The following SLIT3 variants were observed in gnomAD, a reference collection of about 807,000 sequenced individuals.
SLIT3 encodes the protein slit homolog 3 protein.
A neutral mutation model predicts 184.0 loss-of-function variants in SLIT3; 68 were observed. The observed-to-expected ratio is 0.37, with a 90% CI of 0.30 to 0.45. SLIT3 has a LOEUF of 0.45. SLIT3 is among the 20% of genes least tolerant of loss of function. The probability of loss-of-function intolerance (pLI) is 1.00; values close to 1 mark genes in which losing one functional copy is unlikely to be tolerated. For synonymous variants in SLIT3, 831 were observed against 828.6 expected (o/e 1.00, Z -0.05); for missense variants, 1,707 against 2,026.0 (o/e 0.84, Z 3.02).
At chr5:168,952,571 TAAAA>T (rs70979115) in intron 4 of SLIT3, among the ~76,000 whole-genome samples, 3 of 51,748 alleles carry the variant, frequency 5.8e-5, no homozygotes, top group Non-Finnish European at 1.2e-4. Flanking sequence ...CAAAGGGATT[TAAAA>T]AAAAAAAAAA....
At chr5:168,752,832 G>A (rs1462256664) in intron 18 of SLIT3, 123 bp downstream of exon 18, 1 of 966,930 alleles carries the variant, frequency 1.0e-6, no homozygotes, top group African/African-American at 1.6e-5. Context: ...CAGAAAGCCT[G>A]ACGAGTTTTT....
At position 169,299,246 on chromosome 5, in the gene SLIT3, A is replaced by C. The variant is rs554906077; in HGVS notation, c.197+1267T>G. Among the ~76,000 whole-genome samples, 7 of 152,348 alleles carry C rather than the reference A, an allele frequency of 4.6e-5. No homozygotes were observed. In the South Asian group the frequency reaches 1.4e-3, roughly 32 times the overall value. On this transcript the variant is annotated intron_variant, in intron 1 of 35. Transcript: ENST00000519560. ...AACAAAAAAGTACTGAGCCAAAGGA[A>C]AAAGAGAGCACCAGGAATAAGGAAG... is the stretch of plus-strand genomic sequence containing the variant.
At chr5:169,198,216 C>A (rs149362221) in intron 3 of SLIT3, among the ~76,000 whole-genome samples, 1 of 152,334 alleles carries the variant, frequency 6.6e-6, no homozygotes, top group African/African-American at 2.4e-5. Flanking sequence ...GAAGACAGAC[C>A]TGAAAACAAA....
chr5:168,796,367 C>T (rs563601173), intron 9 of SLIT3, among the ~76,000 whole-genome samples: 3 of 152,350 alleles, frequency 2.0e-5, no homozygotes, highest in African/African-American at 7.2e-5. Context: ...TCTTTCATCT[C>T]TCAAATGACT....
At chr5:168,903,582 G>T (rs967696476) in intron 4 of SLIT3, among the ~76,000 whole-genome samples, 3 of 152,148 alleles carry the variant, frequency 2.0e-5, no homozygotes, top group Admixed American at 1.3e-4. Flanking sequence ...GGACACCTGT[G>T]GGGGCATGGA....
At chr5:168,698,838 G>T (rs1762134124) in intron 27 of SLIT3, among the ~76,000 whole-genome samples, 1 of 151,994 alleles carries the variant, frequency 6.6e-6, no homozygotes, top group African/African-American at 2.4e-5. Flanking sequence ...TGTAGATCTG[G>T]GCCCTTTTCC....
intron 9 of SLIT3, among the ~76,000 whole-genome samples, chr5:168,797,408 G>A (rs74910545): frequency 2.6e-5 from 4 of 152,240 alleles, no homozygotes; most frequent in African/African-American, 4.8e-5. Context: ...GCCACTGTCT[G>A]TAACAACGGC....
intron 12 of SLIT3, among the ~76,000 whole-genome samples, chr5:168,781,687 G>A (rs1755976859): frequency 1.3e-5 from 2 of 152,116 alleles, no homozygotes; most frequent in Admixed American, 1.3e-4. Context: ...AAAAGGAGTT[G>A]ATCTGCAGTT....
chr5:168,988,359 T>C (rs532190030), intron 4 of SLIT3, among the ~76,000 whole-genome samples: 18 of 152,282 alleles, frequency 1.2e-4, no homozygotes, highest in African/African-American at 4.1e-4. Flanking sequence ...TACAATTCCA[T>C]AATTTTATAT....
intron 5 of SLIT3, among the ~76,000 whole-genome samples, chr5:168,859,252 T>C (rs1280665725): frequency 6.6e-6 from 1 of 152,168 alleles, no homozygotes; most frequent in Admixed American, 6.5e-5. Context: ...ATTGTCTCTG[T>C]ACAAAAGGTT....
intron 3 of SLIT3, among the ~76,000 whole-genome samples, chr5:169,227,907 AGAT>A (rs1291764867): frequency 5.3e-5 from 8 of 152,322 alleles, no homozygotes; most frequent in Admixed American, 2.6e-4. Flanking sequence ...CTCATCTTCA[AGAT>A]GATGTCTAAA....
intron 3 of SLIT3, 32 bp from the exon 4 acceptor site, chr5:169,193,582 G>A (rs562196717): frequency 7.7e-6 from 12 of 1,549,106 alleles, no homozygotes; most frequent in East Asian, 6.7e-5. Context: ...AGGATGTCAA[G>A]GGGACATTAA....
chr5:168,875,157 G>C (rs1249266456), intron 5 of SLIT3, among the ~76,000 whole-genome samples: 13 of 139,152 alleles, frequency 9.3e-5, no homozygotes, highest in Admixed American at 9.0e-4. Flanking sequence ...GGAGGGAAGA[G>C]AGGGAAAGAG....
intron 3 of SLIT3, among the ~76,000 whole-genome samples, chr5:169,222,993 A>G (rs369136781): frequency 1.3e-5 from 2 of 152,200 alleles, no homozygotes; most frequent in African/African-American, 4.8e-5. Flanking sequence ...TAGACGCTAC[A>G]TGGAAAATTC....
intron 4 of SLIT3, among the ~76,000 whole-genome samples, chr5:169,078,470 G>A (rs1473533412): frequency 6.6e-6 from 1 of 152,026 alleles, no homozygotes; most frequent in African/African-American, 2.4e-5. Context: ...GTAGTCAAAT[G>A]ACCAAGCAGA....
intron 4 of SLIT3, among the ~76,000 whole-genome samples, chr5:169,116,479 A>G (rs1760668933): frequency 1.3e-5 from 2 of 152,224 alleles, no homozygotes; most frequent in Admixed American, 1.3e-4. Context: ...CGACCTAGTT[A>G]TGGTGTTCAG....
intron 20 of SLIT3, among the ~76,000 whole-genome samples, chr5:168,724,769 T>A (rs1763055509): frequency 6.6e-6 from 1 of 152,222 alleles, no homozygotes; most frequent in South Asian, 2.1e-4. Flanking sequence ...ACAGAGCTGA[T>A]ACATAGTAGG....
chr5:169,003,768 A>G lies in SLIT3; in HGVS notation c.414-120432T>C, dbSNP rs768245549. Among the ~76,000 whole-genome samples the G allele has an allele frequency of 5.9e-5, 9 of 152,334 alleles. 1 individual carries two copies. Among genetic ancestry groups the G allele is most frequent in the Admixed American group, 1.3e-4 (2 of 15,310 alleles). On this transcript the variant is annotated intron_variant, in intron 4 of 35. Coordinates refer to ENST00000519560, the MANE Select transcript of SLIT3 (RefSeq NM_003062.4). ...AAGGCTTCTTGCCAGATATAACAAGAATAAATATGAAATGGCTTCATATTC... is the reference window on the plus strand; with the variant it reads ...AAGGCTTCTTGCCAGATATAACAAGGATAAATATGAAATGGCTTCATATTC...
intron 26 of SLIT3, among the ~76,000 whole-genome samples, chr5:168,702,468 C>T (rs900634736): frequency 6.6e-6 from 1 of 152,178 alleles, no homozygotes. Context: ...TGGCTAGCCC[C>T]TCTCAAAACA....
Sources: gnomAD v4.1 joint callset for allele counts (sites outside exome capture counted in the v4.1 genomes callset) on GRCh38, gnomAD v4.1.1 for gene constraint, MANE v1.5 for transcripts, NCBI Gene and HGNC (gene_info 2026-07-23, HGNC 2026-07-21) for gene names.